The following ERBB4 variants were observed in gnomAD, a reference collection of about 807,000 sequenced individuals.
ERBB4 encodes the protein receptor tyrosine-protein kinase erbB-4.
ERBB4 carries 42 observed loss-of-function variants against 158.0 expected under a neutral mutation model. That is an observed-to-expected ratio of 0.27 (90% CI 0.21 to 0.34). The LOEUF is 0.34. ERBB4 is among the 10% of genes least tolerant of loss of function. The pLI, the probability that ERBB4 is intolerant of heterozygous loss-of-function variation, is 1.00. For missense variants in ERBB4, 1,333 were observed against 1,624.1 expected, an observed-to-expected ratio of 0.82 and a Z score of 3.08; for synonymous variants, 583 against 558.7, an observed-to-expected ratio of 1.04 and a Z score of -0.61.
chr2:211,835,889 T>C (rs971933406), intron 3 of ERBB4, among the ~76,000 whole-genome samples: 1 of 152,008 alleles, frequency 6.6e-6, no homozygotes, highest in Non-Finnish European at 1.5e-5. Context: ...TGGGAGTGTG[T>C]GTTTGAGGAA....
chr2:212,248,130 C>G (rs1171307286), intron 1 of ERBB4, among the ~76,000 whole-genome samples: 1 of 151,708 alleles, frequency 6.6e-6, no homozygotes, highest in Non-Finnish European at 1.5e-5. Context: ...ATTAAAAAAT[C>G]AATAAAATTA....
chr2:212,285,189 G>A (rs1321070234), intron 1 of ERBB4, among the ~76,000 whole-genome samples: 1 of 152,112 alleles, frequency 6.6e-6, no homozygotes, highest in Non-Finnish European at 1.5e-5. Flanking sequence ...CCAAAACAGA[G>A]ATAATCATTC....
chr2:212,082,522 G>C (rs2078477934), intron 2 of ERBB4, among the ~76,000 whole-genome samples: 1 of 151,930 alleles, frequency 6.6e-6, no homozygotes, highest in South Asian at 2.1e-4. Flanking sequence ...TTAGAACAGG[G>C]CTTTTTTAAA....
chr2:211,579,328 G>A (rs937364407), intron 19 of ERBB4, among the ~76,000 whole-genome samples: 2 of 152,102 alleles, frequency 1.3e-5, no homozygotes, highest in African/African-American at 4.8e-5. Context: ...GGAGATATAG[G>A]AACACTTTTA....
At chr2:211,814,222 T>C (rs1418043605) in intron 3 of ERBB4, among the ~76,000 whole-genome samples, 2 of 152,144 alleles carry the variant, frequency 1.3e-5, no homozygotes, top group African/African-American at 4.8e-5. Flanking sequence ...TTAACACCTG[T>C]ATAATCTTAG....
chr2:211,566,073 GCGTCA>G (rs1306188061), intron 19 of ERBB4, among the ~76,000 whole-genome samples: 1 of 152,160 alleles, frequency 6.6e-6, no homozygotes, highest in East Asian at 1.9e-4. Flanking sequence ...GCACTTTGAG[GCGTCA>G]CGCCTAGCAA....
intron 1 of ERBB4, among the ~76,000 whole-genome samples, chr2:212,229,766 T>C (rs1255866230): frequency 1.3e-5 from 2 of 152,184 alleles, no homozygotes; most frequent in Non-Finnish European, 2.9e-5. Flanking sequence ...ACTTGCTATA[T>C]GTATTATTTT....
intron 3 of ERBB4, among the ~76,000 whole-genome samples, chr2:211,807,175 G>C (rs192041431): frequency 6.6e-6 from 1 of 152,046 alleles, no homozygotes; most frequent in African/African-American, 2.4e-5. Context: ...TTAAGTTCTA[G>C]GGTACATGTG....
intron 3 of ERBB4, among the ~76,000 whole-genome samples, chr2:211,866,859 G>GA (rs769253313): frequency 1.3e-5 from 2 of 151,556 alleles, no homozygotes; most frequent in East Asian, 3.9e-4. Flanking sequence ...CTTTTCAAGT[G>GA]AAAAAAATAA....
chr2:212,213,061 G>A (rs1405631462), intron 1 of ERBB4, among the ~76,000 whole-genome samples: 1 of 152,018 alleles, frequency 6.6e-6, no homozygotes, highest in Non-Finnish European at 1.5e-5. Context: ...AGCCAAAATT[G>A]ACAAATGGGA....
chr2:212,357,255 T>C (rs1024329445), intron 1 of ERBB4, among the ~76,000 whole-genome samples: 3 of 151,896 alleles, frequency 2.0e-5, no homozygotes, highest in African/African-American at 7.2e-5. Flanking sequence ...ATTGTATGGT[T>C]ACCTCCTTAT....
At chr2:212,268,239 T>C (rs896161596) in intron 1 of ERBB4, among the ~76,000 whole-genome samples, 6 of 151,810 alleles carry the variant, frequency 4.0e-5, no homozygotes, top group African/African-American at 1.5e-4. Flanking sequence ...AGAATAGAAA[T>C]TGTTTTGATT....
intron 1 of ERBB4, among the ~76,000 whole-genome samples, chr2:212,175,113 A>T (rs2081622467): frequency 6.6e-6 from 1 of 152,030 alleles, no homozygotes. Context: ...TCACCATATC[A>T]TCTCTAAAAC....
intron 15 of ERBB4, among the ~76,000 whole-genome samples, chr2:211,665,042 G>A (rs967172009): frequency 3.3e-5 from 5 of 152,086 alleles, no homozygotes; most frequent in Admixed American, 6.5e-5. Flanking sequence ...ATATAATTTC[G>A]AAGAATTTCT....
intron 1 of ERBB4, among the ~76,000 whole-genome samples, chr2:212,190,549 AAAAG>A (rs1205860943): frequency 8.0e-5 from 12 of 149,130 alleles, no homozygotes; most frequent in South Asian, 2.1e-4. Flanking sequence ...AAAAAAAAAA[AAAAG>A]AAGAAGAAGA....
intron 20 of ERBB4, among the ~76,000 whole-genome samples, chr2:211,505,959 C>CAA (rs529052924): frequency 0.017 from 1,580 of 94,694 alleles, 54 homozygotes; most frequent in African/African-American, 0.053. Flanking sequence ...GACTCCATCT[C>CAA]AAAAAAAAAA....
chr2:211,967,209 G>C (rs992729040), intron 2 of ERBB4, among the ~76,000 whole-genome samples: 2 of 152,078 alleles, frequency 1.3e-5, no homozygotes, highest in Non-Finnish European at 2.9e-5. Flanking sequence ...CATTCAGTAA[G>C]TATTTAACGA....
At chr2:211,772,898 C>T (rs866302309) in intron 4 of ERBB4, among the ~76,000 whole-genome samples, 43 of 48,094 alleles carry the variant, frequency 8.9e-4, no homozygotes, top group Non-Finnish European at 1.5e-3. Context: ...CACACACACA[C>T]ATATATATAT....
intron 5 of ERBB4, among the ~76,000 whole-genome samples, chr2:211,729,406 C>T (rs370414207): frequency 5.4e-4 from 81 of 151,254 alleles, no homozygotes; most frequent in Non-Finnish European, 8.0e-4. Flanking sequence ...TAATTCCAAA[C>T]GAAAATTCAG....
Sources: gnomAD v4.1 joint callset for allele counts (sites outside exome capture counted in the v4.1 genomes callset) on GRCh38, gnomAD v4.1.1 for gene constraint, MANE v1.5 for transcripts, NCBI Gene and HGNC (gene_info 2026-07-23, HGNC 2026-07-21) for gene names.